Variants in NCAN observed in about 807,000 individuals in gnomAD.
NCAN encodes the protein neurocan core protein.
NCAN carries 47 observed loss-of-function variants against 121.8 expected under a neutral mutation model. That is an observed-to-expected ratio of 0.39 (90% confidence interval 0.31 to 0.49). The LOEUF is 0.49. Among genes scored for constraint, NCAN ranks in the 20% least tolerant of loss-of-function variants. The probability of loss-of-function intolerance (pLI) is 0.92; values close to 1 mark genes in which losing one functional copy is unlikely to be tolerated. For missense variants in NCAN, 1,517 were observed against 1,773.4 expected, an observed-to-expected ratio of 0.86 and a Z score of 2.60; for synonymous variants, 633 against 702.0, an observed-to-expected ratio of 0.90 and a Z score of 1.55.
At chr19:19,246,666 TG>T (rs1311874089) in intron 13 of NCAN, among the ~76,000 whole-genome samples, 1 of 152,064 alleles carries the variant, frequency 6.6e-6, no homozygotes, top group Non-Finnish European at 1.5e-5. Context: ...CCCGAGTAGC[TG>T]GGATTACAGG....
chr19:19,224,980 A>C lies in NCAN; in HGVS notation c.782A>C (p.Glu261Ala). The change falls in exon 6 of 15, where the codon GAG becomes GCG. Residue 261 changes from glutamate to alanine, a missense_variant. Transcript: ENST00000252575. ...VYCFARELGG[E>A]VFYVGPARRL... ...CCTCCACCCGCCCCTCCCGCAGGCGAGGTCTTCTACGTGGGCCCGGCCCGC... is the reference window on the plus strand; with the variant it reads ...CCTCCACCCGCCCCTCCCGCAGGCGCGGTCTTCTACGTGGGCCCGGCCCGC... The C allele has an allele frequency of 7.0e-7, 1 of 1,435,216 alleles. No individual in the cohort carries two copies. Among genetic ancestry groups the C allele is most frequent in the Non-Finnish European group, 9.1e-7 (1 of 1,100,626 alleles). The allele number at this position is 1,435,216 out of a possible 1,614,324, so 88.9% of individuals were successfully genotyped here.
At chr19:19,221,715 G>A (rs10404695) in intron 3 of NCAN, among the ~76,000 whole-genome samples, 2,402 of 151,984 alleles carry the variant, frequency 0.016, 70 homozygotes, top group African/African-American at 0.055. Flanking sequence ...GTGAGACCTC[G>A]TCTCTACAAA....
Position 19,224,970 on chromosome 19 carries a change from C to G in NCAN, c.779-7C>G, listed in dbSNP as rs1223794434. The G allele has an allele frequency of 2.1e-6, 3 of 1,426,118 alleles. No individual in the cohort carries two copies. The highest frequency in any genetic ancestry group is 2.7e-6 in the Non-Finnish European group (3 of 1,096,116). 88.3% of individuals were successfully genotyped at this position (1,426,118 alleles called of 1,614,324 possible). A position where few individuals can be genotyped will look rare whatever the true frequency, so the allele number is the denominator to read the frequency against. On this transcript the variant is annotated splice_polypyrimidine_tract_variant and splice_region_variant and intron_variant, in intron 5 of 14. Coordinates refer to ENST00000252575, the MANE Select transcript of NCAN (RefSeq NM_004386.3). ...GCCCCCCTGACCTCCACCCGCCCCT[C>G]CCGCAGGCGAGGTCTTCTACGTGGG... is the stretch of plus-strand genomic sequence containing the variant.
intron 12 of NCAN, 77 bp downstream of exon 12, chr19:19,240,762 G>A: frequency 2.7e-6 from 4 of 1,470,454 alleles, no homozygotes; most frequent in Middle Eastern, 1.7e-4. Flanking sequence ...ACCCTTTTGT[G>A]CAAAGTTATC....
At position 19,225,098 on chromosome 19, in the gene NCAN, C is replaced by G; in HGVS notation, c.900C>G (p.Gly300=). 1 of 1,535,614 alleles carries G rather than the reference C, an allele frequency of 6.5e-7. No individual in the cohort carries two copies. The highest frequency in any genetic ancestry group is 1.2e-5 in the South Asian group (1 of 84,368). Residue 300 remains glycine (G), a synonymous_variant, in exon 6 of 15, where the codon GGC becomes GGG. Coordinates refer to ENST00000252575, the MANE Select transcript of NCAN (RefSeq NM_004386.3). This position sits in a 1 kb window ranked among gnomAD's most constrained non-coding sequence, Gnocchi z 4.0. ...AGCTGCACCTGGCCTGGCATGAGGG[C>G]CTGGACCAGTGCGACCCGGGCTGGC... ...VGQLHLAWHE[G]LDQCDPGWLA...
chr19:19,222,267 T>A (rs1308468581), intron 3 of NCAN, among the ~76,000 whole-genome samples: 3 of 152,182 alleles, frequency 2.0e-5, no homozygotes, highest in Non-Finnish European at 4.4e-5. Flanking sequence ...TCAATTTCAT[T>A]CATTCAGCCA....
chr19:19,222,339 G>T (rs955464743), intron 3 of NCAN, among the ~76,000 whole-genome samples: 7 of 152,154 alleles, frequency 4.6e-5, no homozygotes, highest in African/African-American at 1.7e-4. Context: ...GAGTTCAGTG[G>T]TGTGATCTTG....
chr19:19,228,430 G>A lies in NCAN; in HGVS notation c.2810G>A (p.Ser937Asn). Residue 937 changes from serine (S) to asparagine (N), a missense_variant, in exon 8 of 15, where the codon AGT becomes AAT. Physicochemically the swap from Ser to Asn is conservative, Grantham distance 46. Coordinates refer to ENST00000252575, the MANE Select transcript of NCAN (RefSeq NM_004386.3). ...CCTCCTGGGACACCGACTGCAGCCA[G>A]TGTGGGCGAGTCTGCCTCAGTTTCC... is the stretch of plus-strand genomic sequence containing the variant. Reference protein sequence around the residue: ...AVPPGTPTAASVGESASVSSG... With the variant: ...AVPPGTPTAANVGESASVSSG... 6.2e-7 allele frequency: 1 copy of A among 1,613,684 alleles called. No homozygotes were observed. Among genetic ancestry groups the A allele is most frequent in the Non-Finnish European group, 8.5e-7 (1 of 1,180,012 alleles).
At position 19,226,837 on chromosome 19, in the gene NCAN, C is replaced by G. The variant is rs146806903; in HGVS notation, c.1424C>G (p.Pro475Arg). 6.2e-7 allele frequency: 1 copy of G among 1,613,116 alleles called. No individual in the cohort carries two copies. Among genetic ancestry groups the G allele is most frequent in the East Asian group, 2.2e-5 (1 of 44,896 alleles). The change falls in exon 7 of 15, where the codon CCT becomes CGT. Residue 475 changes from proline (P) to arginine (R), a missense_variant. By Grantham distance (103) the Pro-to-Arg change is moderately radical. Transcript: ENST00000252575. ...CACACGGAGGTGGCCCCAACTGACCCTATGCCTAGGAGAAGGGGGCGCTTC... is the reference window on the plus strand; with the variant it reads ...CACACGGAGGTGGCCCCAACTGACCGTATGCCTAGGAGAAGGGGGCGCTTC... ...SSHTEVAPTD[P>R]MPRRRGRFKG...
At chr19:19,243,613 G>GC (rs1257152177) in intron 12 of NCAN, among the ~76,000 whole-genome samples, 1 of 151,078 alleles carries the variant, frequency 6.6e-6, no homozygotes, top group Non-Finnish European at 1.5e-5. Flanking sequence ...ACTGCACACC[G>GC]CCTCTTGAAC....
At chr19:19,248,018 C>T (rs1050634859) in intron 13 of NCAN, among the ~76,000 whole-genome samples, 11 of 151,804 alleles carry the variant, frequency 7.2e-5, no homozygotes, top group African/African-American at 1.5e-4. Flanking sequence ...CTCGGTGGTG[C>T]GCACCTGTAG....
In NCAN at chr19:19,240,463, C is replaced by T. The variant is rs529252236; in HGVS notation, c.3410-140C>T. 16 of 742,212 alleles carry T rather than the reference C, an allele frequency of 2.2e-5. No homozygotes were observed. The Admixed American group carries it at 3.3e-4, about 15-fold the overall frequency. 46.0% of individuals were successfully genotyped at this position (742,212 alleles called of 1,614,324 possible). A position where few individuals can be genotyped will look rare whatever the true frequency, so the allele number is the denominator to read the frequency against. ...TTCATTTCCACCTTCTAGATCTTTC[C>T]CCCCACCCAGCCCACCTCCAGGCTG... On this transcript the variant is annotated intron_variant, in intron 11 of 14. Transcript: ENST00000252575.
intron 11 of NCAN, among the ~76,000 whole-genome samples, chr19:19,239,865 C>T (rs1229144330): frequency 7.4e-6 from 1 of 135,090 alleles, no homozygotes; most frequent in Non-Finnish European, 1.6e-5. Flanking sequence ...CTCCTCCCCT[C>T]CTCCTTCCAT....
chr19:19,224,596 C>A (rs2060828424), intron 5 of NCAN, among the ~76,000 whole-genome samples, 163 bp downstream of exon 5: 1 of 151,914 alleles, frequency 6.6e-6, no homozygotes. Flanking sequence ...GCTTTCCATG[C>A]CTCCCTGAGT....
chr19:19,239,745 T>C (rs1599820995), intron 11 of NCAN, among the ~76,000 whole-genome samples: 1 of 110,578 alleles, frequency 9.0e-6, no homozygotes, highest in Non-Finnish European at 1.8e-5. Context: ...CCTCCTCCCT[T>C]CTACTCCTCC....
chr19:19,229,419 G>C (rs2060850326), intron 8 of NCAN, among the ~76,000 whole-genome samples: 1 of 152,176 alleles, frequency 6.6e-6, no homozygotes, highest in Non-Finnish European at 1.5e-5. Flanking sequence ...ATGGCAGGGA[G>C]GGTTTCCTGG....
rs1297372366 is a variant in NCAN, at chr19:19,219,235, G to A, written c.394G>A (p.Ala132Thr). ...CACGCTACTTCTGGGGCCACTGAGG[G>A]CCAGTGACTCTGGGCTGTACCGCTG... ...NATLLLGPLR[A>T]SDSGLYRCQV... The change falls in exon 3 of 15, where the codon GCC becomes ACC. Residue 132 changes from alanine (A) to threonine (T), a missense_variant. By Grantham distance (58) the Ala-to-Thr change is moderately conservative. Transcript: ENST00000252575. 3.7e-6 allele frequency: 6 copies of A among 1,606,352 alleles called. No individual in the cohort carries two copies. The South Asian group carries it at 5.5e-5, about 15-fold the overall frequency.
chr19:19,238,365 C>T lies in NCAN; in HGVS notation c.3363C>T (p.Gly1121=). 6.2e-7 allele frequency: 1 copy of T among 1,614,220 alleles called. No individual in the cohort carries two copies. Among genetic ancestry groups the T allele is most frequent in the Non-Finnish European group, 8.5e-7 (1 of 1,180,048 alleles). Residue 1121 remains glycine, a synonymous_variant, in exon 11 of 15, where the codon GGC becomes GGT. Coordinates refer to ENST00000252575, the MANE Select transcript of NCAN (RefSeq NM_004386.3). The stretch of plus-strand genomic sequence containing the variant: ...AGAAGGACTGCCGCCGCCGCTCCGG[C>T]CACCTGACCAGCGTCCACTCACCGG... ...DAEKDCRRRS[G]HLTSVHSPEE...
At position 19,219,065 on chromosome 19, in the gene NCAN, G is replaced by A. The variant is rs754209006; in HGVS notation, c.224G>A (p.Arg75Gln). 1.5e-5 allele frequency: 24 copies of A among 1,612,152 alleles called. No homozygotes were observed. The highest frequency in any genetic ancestry group is 1.7e-5 in the Non-Finnish European group (20 of 1,178,964). ...CCAAGCGCAGCCCGAGATGCCCCTC[G>A]GATAAAGTGGACCAAGGTGCGGACT... ...PRPSAARDAP[R>Q]IKWTKVRTAS... The change falls in exon 3 of 15, where the codon CGG (arginine) becomes CAG (glutamine). Residue 75 changes from arginine (R) to glutamine (Q), a missense_variant. Arg to Gln is a conservative substitution (Grantham distance 43). Coordinates refer to ENST00000252575, the MANE Select transcript of NCAN (RefSeq NM_004386.3).
Sources: allele counts gnomAD v4.1 joint callset (sites outside exome capture counted in the v4.1 genomes callset), GRCh38; gene constraint gnomAD v4.1.1; non-coding constraint Gnocchi (gnomAD v3.1); transcripts MANE v1.5; gene names NCBI Gene and HGNC (gene_info 2026-07-23, HGNC 2026-07-21).